LRP3: variants seen among roughly 807,000 people sequenced by gnomAD.
LRP3 encodes the protein LDL receptor related protein 3.
In LRP3, 49 loss-of-function variants were observed where a neutral mutation model predicts 58.5. That is an observed-to-expected ratio of 0.84 (90% CI 0.67 to 1.06). The LOEUF (loss-of-function observed/expected upper bound fraction) is 1.06. Ranked by LOEUF, LRP3 falls within the 50% of genes least tolerant of loss-of-function variation. The pLI, the probability that LRP3 is intolerant of heterozygous loss-of-function variation, is 0.00. For synonymous variants in LRP3, 485 were observed against 492.2 expected, an observed-to-expected ratio of 0.99 and a Z score of 0.20; for missense variants, 1,019 against 1,134.2, an observed-to-expected ratio of 0.90 and a Z score of 1.46.
At chr19:33,202,218 AGCCACAGCTGGACTTT>A (rs1974348410) in intron 2 of LRP3, among the ~76,000 whole-genome samples, 1 of 152,238 alleles carries the variant, frequency 6.6e-6, no homozygotes, top group Non-Finnish European at 1.5e-5. Flanking sequence ...TGGCGTTTCC[AGCCACAGCTGGACTTT>A]GCCACCTCTC....
chr19:33,206,009 C>T lies in LRP3; in HGVS notation c.1239C>T (p.Cys413=). The part of the protein sequence containing the change: ...HCASGRDEQG[C]PACPPDQYPC... The stretch of plus-strand genomic sequence containing the variant: ...CCAGCGGCCGAGACGAGCAGGGCTG[C>T]CCTGCCTGCCCGCCCGACCAGTACC... The change falls in exon 5 of 7, where the codon TGC becomes TGT. Residue 413 remains cysteine (C), a synonymous_variant. Coordinates refer to ENST00000253193, the MANE Select transcript of LRP3 (RefSeq NM_002333.4). 1 of 1,580,236 alleles carries T rather than the reference C, an allele frequency of 6.3e-7. No homozygotes were observed. The highest frequency in any genetic ancestry group is 8.6e-7 in the Non-Finnish European group (1 of 1,163,940).
At chr19:33,199,224 C>T (rs1463498331) in intron 2 of LRP3, among the ~76,000 whole-genome samples, 2 of 152,194 alleles carry the variant, frequency 1.3e-5, no homozygotes, top group African/African-American at 4.8e-5. Context: ...ATGAACCTCA[C>T]CTCCATGGAG....
In LRP3 at chr19:33,194,782, C is replaced by T. The variant is rs1379789324; in HGVS notation, c.-4C>T. ...GGCGGCGCCCGCGGGCGGCCGGGCC[C>T]GGCATGGAGAAGCGCGCGGCCGCGG... On this transcript the variant is annotated 5_prime_UTR_variant, in exon 1 of 7. Transcript: ENST00000253193. 2.4e-5 allele frequency: 24 copies of T among 1,007,482 alleles called. No individual in the cohort carries two copies. Among genetic ancestry groups the T allele is most frequent in the Non-Finnish European group, 2.8e-5 (24 of 844,702 alleles). 62.4% of individuals were successfully genotyped at this position (1,007,482 alleles called of 1,614,324 possible).
At position 33,194,746 on chromosome 19, in the gene LRP3, G is replaced by GCAGCCGGAAC; in HGVS notation, c.-39_-38insAGCCGGAACC. On this transcript the variant is annotated 5_prime_UTR_variant, in exon 1 of 7. Transcript: ENST00000253193. ...CGCAGCCGGAACCGGAGCCGGAGCCGCGGGGCAGGAGGCGGCGCCCGCGGG... is the reference window on the plus strand; with the variant it reads ...CGCAGCCGGAACCGGAGCCGGAGCCGCAGCCGGAACCGGGGCAGGAGGCGGCGCCCGCGGG... The GCAGCCGGAAC allele has an allele frequency of 1.3e-6, 1 of 787,834 alleles. No individual in the cohort carries two copies. Among genetic ancestry groups the GCAGCCGGAAC allele is most frequent in the South Asian group, 5.5e-5 (1 of 18,168 alleles). 48.8% of individuals were successfully genotyped at this position (787,834 alleles called of 1,614,324 possible). A position where few individuals can be genotyped will look rare whatever the true frequency, so the allele number is the denominator to read the frequency against.
chr19:33,196,755 C>T lies in LRP3; in HGVS notation c.99C>T (p.Leu33=). The T allele has an allele frequency of 6.8e-6, 11 of 1,614,178 alleles. No individual in the cohort carries two copies. The highest frequency in any genetic ancestry group is 6.8e-6 in the Non-Finnish European group (8 of 1,179,988). Residue 33 remains leucine, a synonymous_variant, in exon 2 of 7, where the codon CTC becomes CTT. Coordinates refer to ENST00000253193, the MANE Select transcript of LRP3 (RefSeq NM_002333.4). ...CLVNIFLTGR[L]SSAVPALAAC... Reference sequence around the variant, plus strand: ...TGAACATCTTTCTCACCGGGAGACTCAGCAGTGCGGTTCCTGCCTTAGGTA... The same window carrying T: ...TGAACATCTTTCTCACCGGGAGACTTAGCAGTGCGGTTCCTGCCTTAGGTA...
At chr19:33,203,009 G>T in intron 3 of LRP3, 23 bp downstream of exon 3, 1 of 1,610,376 alleles carries the variant, frequency 6.2e-7, no homozygotes, top group Non-Finnish European at 8.5e-7. Flanking sequence ...GGGGGTGTCG[G>T]AAGGAATCAA....
At chr19:33,196,840 AAGAC>A in intron 2 of LRP3, 63 bp downstream of exon 2, 4 of 1,488,732 alleles carry the variant, frequency 2.7e-6, no homozygotes, top group Non-Finnish European at 3.8e-6. Flanking sequence ...GTGGTCCCTG[AAGAC>A]AGGCCTTCAG....
chr19:33,206,817 G>A (rs1974419277), intron 6 of LRP3, 84 bp downstream of exon 6: 1 of 1,419,530 alleles, frequency 7.0e-7, no homozygotes, highest in African/African-American at 1.4e-5. Context: ...CACAGGAGCA[G>A]GAGGCAAGGC....
intron 6 of LRP3, 112 bp from the exon 7 acceptor site, chr19:33,206,876 A>C: frequency 8.3e-7 from 1 of 1,208,608 alleles, no homozygotes. Flanking sequence ...GGGGTGGACA[A>C]GGTGGTCTCT....
At position 33,206,018 on chromosome 19, in the gene LRP3, C is replaced by T. The variant is rs746025938; in HGVS notation, c.1248C>T (p.Cys416=). Residue 416 remains cysteine, a synonymous_variant, in exon 5 of 7, where the codon TGC becomes TGT. Coordinates refer to ENST00000253193, the MANE Select transcript of LRP3 (RefSeq NM_002333.4). ...SGRDEQGCPA[C]PPDQYPCEGG... ...GAGACGAGCAGGGCTGCCCTGCCTG[C>T]CCGCCCGACCAGTACCCCTGCGAGG... 7 of 1,582,558 alleles carry T rather than the reference C, an allele frequency of 4.4e-6. No homozygotes were observed. The highest frequency in any genetic ancestry group is 6.0e-6 in the Non-Finnish European group (7 of 1,165,058).
intron 3 of LRP3, among the ~76,000 whole-genome samples, chr19:33,203,612 G>T (rs1974367638): frequency 6.6e-6 from 1 of 152,200 alleles, no homozygotes; most frequent in East Asian, 1.9e-4. Flanking sequence ...GCCCAAGCTG[G>T]ACCTCTTCCT....
intron 2 of LRP3, among the ~76,000 whole-genome samples, chr19:33,199,501 G>A (rs958406237): frequency 2.0e-5 from 3 of 147,892 alleles, no homozygotes; most frequent in Non-Finnish European, 3.0e-5. Context: ...AGGAGTCCCT[G>A]CCTAGAACTT....
Position 33,196,771 on chromosome 19 carries a change from G to A in LRP3, c.115G>A (p.Ala39Thr). ...LTGRLSSAVP[A>T]LAACSGKLEQ... ...CGGGAGACTCAGCAGTGCGGTTCCTGCCTTAGGTAAGTAAGCACTTTCTCT... is the reference window on the plus strand; with the variant it reads ...CGGGAGACTCAGCAGTGCGGTTCCTACCTTAGGTAAGTAAGCACTTTCTCT... Residue 39 changes from alanine to threonine, a missense_variant, in exon 2 of 7, where the codon GCC (alanine) becomes ACC (threonine). Around this residue, in one of 2 missense-constraint regions of LRP3, gnomAD observed 592 missense variants for 725.5 expected, o/e 0.82. Coordinates refer to ENST00000253193, the MANE Select transcript of LRP3 (RefSeq NM_002333.4). 6.2e-7 allele frequency: 1 copy of A among 1,614,140 alleles called. No homozygotes were observed. Among genetic ancestry groups the A allele is most frequent in the Non-Finnish European group, 8.5e-7 (1 of 1,179,964 alleles).
rs532630327 is a variant in LRP3 at position 33,207,484 on chromosome 19, C to T, written c.2222C>T (p.Ser741Leu). 1.2e-5 allele frequency: 19 copies of T among 1,600,702 alleles called. No individual in the cohort carries two copies. Among genetic ancestry groups the T allele is most frequent in the African/African-American group, 2.7e-5 (2 of 74,800 alleles). Residue 741 changes from serine (S) to leucine (L), a missense_variant, in exon 7 of 7, where the codon TCG becomes TTG. Coordinates refer to ENST00000253193, the MANE Select transcript of LRP3 (RefSeq NM_002333.4). Reference protein sequence around the residue: ...STASSTLGPHSPEPLGVCRNP... With the variant: ...STASSTLGPHLPEPLGVCRNP... Reference sequence around the variant, plus strand: ...GCCAGCAGCACCCTGGGCCCCCACTCGCCAGAGCCACTGGGGGTCTGCAGG... The same window carrying T: ...GCCAGCAGCACCCTGGGCCCCCACTTGCCAGAGCCACTGGGGGTCTGCAGG...
At position 33,208,782 on chromosome 19, in the gene LRP3, C is replaced by A; in HGVS notation, c.*1207C>A. Reference sequence around the variant, plus strand: ...TTAAACAGGCTTCTGAGAGTCGTATCTTTTTTCTTTTTTTTCCAGAAAAAA... The same window carrying A: ...TTAAACAGGCTTCTGAGAGTCGTATATTTTTTCTTTTTTTTCCAGAAAAAA... On this transcript the variant is annotated 3_prime_UTR_variant, in exon 7 of 7. Transcript: ENST00000253193. This position sits in a 1 kb window ranked among gnomAD's most constrained non-coding sequence, Gnocchi z 4.7. The A allele has an allele frequency of 2.0e-6, 3 of 1,478,582 alleles. No individual in the cohort carries two copies. Among genetic ancestry groups the A allele is most frequent in the Non-Finnish European group, 1.9e-6 (2 of 1,073,896 alleles). 91.6% of individuals were successfully genotyped at this position (1,478,582 alleles called of 1,614,324 possible).
In LRP3 at chr19:33,206,715, T is replaced by G. The variant is rs775006769; in HGVS notation, c.1707T>G (p.Pro569=). The change falls in exon 6 of 7, where the codon CCT becomes CCG. Residue 569 remains proline, a synonymous_variant. Transcript: ENST00000253193. ...QGLIPPVEDF[P]VYSASQASVL... is the part of the protein sequence containing the mutation. ...TCATTCCACCCGTGGAGGACTTTCC[T>G]GTCTACAGTGCGTCCCAGGTGAGCC... 1.3e-6 allele frequency: 2 copies of G among 1,531,598 alleles called. No individual in the cohort carries two copies. Among genetic ancestry groups the G allele is most frequent in the East Asian group, 4.5e-5 (2 of 44,112 alleles). 94.9% of individuals were successfully genotyped at this position (1,531,598 alleles called of 1,614,324 possible). A position where few individuals can be genotyped will look rare whatever the true frequency, so the allele number is the denominator to read the frequency against.
rs769766865 is a variant in LRP3 at position 33,207,485 on chromosome 19, G to A, written c.2223G>A (p.Ser741=). ...CCAGCAGCACCCTGGGCCCCCACTC[G>A]CCAGAGCCACTGGGGGTCTGCAGGA... ...STASSTLGPH[S]PEPLGVCRNP... Residue 741 remains serine, a synonymous_variant, in exon 7 of 7, where the codon TCG becomes TCA. Coordinates refer to ENST00000253193, the MANE Select transcript of LRP3 (RefSeq NM_002333.4). 8.1e-6 allele frequency: 13 copies of A among 1,601,086 alleles called. No individual in the cohort carries two copies. Among genetic ancestry groups the A allele is most frequent in the Middle Eastern group, 1.7e-4 (1 of 6,048 alleles).
chr19:33,205,334 GGACGAGTGTGGA>G lies in LRP3; in HGVS notation c.569_580del (p.Glu190_Asp193del). On this transcript the variant is annotated inframe_deletion, in exon 5 of 7. Coordinates refer to ENST00000253193, the MANE Select transcript of LRP3 (RefSeq NM_002333.4). Reference sequence around the variant, plus strand: ...CCGGCCCGTGGCAGTGCAACACGGTGGACGAGTGTGGAGACGGCTCTGATGAGGGCAACTGCT... The same window carrying G: ...CCGGCCCGTGGCAGTGCAACACGGTGGACGGCTCTGATGAGGGCAACTGCT... 1 of 1,611,016 alleles carries G rather than the reference GGACGAGTGTGGA, an allele frequency of 6.2e-7. No individual in the cohort carries two copies. The highest frequency in any genetic ancestry group is 8.5e-7 in the Non-Finnish European group (1 of 1,178,868).
intron 2 of LRP3, among the ~76,000 whole-genome samples, chr19:33,202,450 G>A (rs1974350723): frequency 6.6e-6 from 1 of 152,228 alleles, no homozygotes; most frequent in African/African-American, 2.4e-5. Flanking sequence ...GGGGGCCATC[G>A]CAGGATGGGC....
Sources: allele counts gnomAD v4.1 joint callset (sites outside exome capture counted in the v4.1 genomes callset), GRCh38; gene constraint gnomAD v4.1.1; regional missense constraint gnomAD v4.1.1; non-coding constraint Gnocchi (gnomAD v3.1); transcripts MANE v1.5; gene names NCBI Gene and HGNC (gene_info 2026-07-23, HGNC 2026-07-21).